SYNE1: variants seen among roughly 807,000 people sequenced by gnomAD.
SYNE1 encodes spectrin repeat containing nuclear envelope protein 1.
In SYNE1, 616 loss-of-function variants were observed where a neutral mutation model predicts 1,111.0. The ratio of observed to expected loss-of-function variants is 0.55; its 90% confidence interval spans 0.52 to 0.59. The LOEUF is 0.59. Ranked by LOEUF, SYNE1 falls within the 20% of genes least tolerant of loss-of-function variation. The pLI, the probability that SYNE1 is intolerant of heterozygous loss-of-function variation, is 0.00. For synonymous variants in SYNE1, 3,855 were observed against 3,825.8 expected, an observed-to-expected ratio of 1.01 and a Z score of -0.28; for missense variants, 10,006 against 10,417.0, an observed-to-expected ratio of 0.96 and a Z score of 1.72.
intron 53 of SYNE1, 131 bp downstream of exon 53, chr6:152,390,145 TAGAC>T: frequency 1.1e-6 from 1 of 923,676 alleles, no homozygotes. Context: ...AAACACAACT[TAGAC>T]AAAGACAGGC....
At chr6:152,296,324 T>A (rs531046741) in intron 93 of SYNE1, among the ~76,000 whole-genome samples, 1 of 152,232 alleles carries the variant, frequency 6.6e-6, no homozygotes, top group Non-Finnish European at 1.5e-5. Flanking sequence ...CTCGCCAATA[T>A]TGGTGAATTG....
At chr6:152,419,003 T>C (rs552738026) in intron 40 of SYNE1, among the ~76,000 whole-genome samples, 34 of 152,324 alleles carry the variant, frequency 2.2e-4, no homozygotes, top group Admixed American at 8.5e-4. Context: ...GAGTCTCATA[T>C]TTTGTGGGAC....
rs1455678689 is a variant in SYNE1, at chr6:152,463,499, G to A, written c.1951C>T (p.Pro651Ser). The change falls in exon 19 of 146, where the codon CCT (proline) becomes TCT (serine). Residue 651 changes from proline to serine, a missense_variant. By Grantham distance (74) the Pro-to-Ser change is moderately conservative. Around this residue, in one of 7 missense-constraint regions of SYNE1, gnomAD observed 1,971 missense variants for 2,084.1 expected, o/e 0.95. Transcript: ENST00000367255. ...NAKKDFFRNLPHWIQQHTAMN... is the reference protein window; with the variant it reads ...NAKKDFFRNLSHWIQQHTAMN... ...GCAGTATGCTGCTGAATCCAATGAG[G>A]TAAATTTCGAAAAAAATCCTAAACA... 7.4e-6 allele frequency: 12 copies of A among 1,613,118 alleles called. No homozygotes were observed. The East Asian group carries it at 2.0e-4, about 27-fold the overall frequency.
Position 152,136,780 on chromosome 6 carries a change from G to A in SYNE1, c.25497C>T (p.Ile8499=). The change falls in exon 141 of 146, where the codon ATC becomes ATT. Residue 8499 remains isoleucine (I), a synonymous_variant. Coordinates refer to ENST00000367255, the MANE Select transcript of SYNE1 (RefSeq NM_182961.4). ...QKAVDHRKAI[I]LSINLCSPEF... is the part of the protein sequence containing the mutation. ...CAGGGCTGCAGAGATTGATGGAGAGGATGATGGCTTTGCGGTGGTCCACAG... is the reference window on the plus strand; with the variant it reads ...CAGGGCTGCAGAGATTGATGGAGAGAATGATGGCTTTGCGGTGGTCCACAG... The A allele has an allele frequency of 6.2e-7, 1 of 1,614,228 alleles. No homozygotes were observed. Among genetic ancestry groups the A allele is most frequent in the Non-Finnish European group, 8.5e-7 (1 of 1,180,052 alleles).
chr6:152,595,706 T>C (rs1161455764), intron 3 of SYNE1, among the ~76,000 whole-genome samples: 1 of 152,118 alleles, frequency 6.6e-6, no homozygotes, highest in East Asian at 1.9e-4. Context: ...AAAATGCAAT[T>C]GGCTCTACAT....
intron 128 of SYNE1, among the ~76,000 whole-genome samples, chr6:152,182,147 CA>C (rs1437574833): frequency 6.6e-5 from 10 of 152,166 alleles, no homozygotes; most frequent in African/African-American, 2.2e-4. Flanking sequence ...TATATATATA[CA>C]ATGGGCTTGT....
chr6:152,272,825 G>A (rs2093310054), intron 98 of SYNE1, among the ~76,000 whole-genome samples: 1 of 152,208 alleles, frequency 6.6e-6, no homozygotes, highest in Admixed American at 6.5e-5. Flanking sequence ...TAACATTGCT[G>A]AGGGCTGCAT....
chr6:152,603,052 G>A lies in SYNE1; in HGVS notation c.67+25213C>T, dbSNP rs191794345. On this transcript the variant is annotated intron_variant, in intron 3 of 145. Transcript: ENST00000367255. ...AGCACCAGGGGTCAACCAGGGCAGA[G>A]GATCTGTGAATTTCAGACTCAGATC... Among the ~76,000 whole-genome samples the A allele has an allele frequency of 4.6e-5, 7 of 152,278 alleles. No homozygotes were observed. The South Asian group carries it at 8.3e-4, about 18-fold the overall frequency.
In SYNE1 at chr6:152,233,774, T is replaced by A. The variant is rs776363510; in HGVS notation, c.20712+7A>T. 2.5e-5 allele frequency: 40 copies of A among 1,614,070 alleles called. No homozygotes were observed. The East Asian group carries it at 6.2e-4, about 25-fold the overall frequency. Reference sequence around the variant, plus strand: ...GCTATTTCCCACGAAAGCAATCCTTTCTGTACCTGGTGGAGCTTCTCCTGG... The same window carrying A: ...GCTATTTCCCACGAAAGCAATCCTTACTGTACCTGGTGGAGCTTCTCCTGG... On this transcript the variant is annotated splice_region_variant and intron_variant, in intron 112 of 145. Transcript: ENST00000367255.
chr6:152,524,974 T>C (rs2099156898), intron 5 of SYNE1, among the ~76,000 whole-genome samples: 1 of 152,146 alleles, frequency 6.6e-6, no homozygotes, highest in Non-Finnish European at 1.5e-5. Context: ...AACTTGTGCC[T>C]TTAAGAAAAG....
At chr6:152,569,852 A>T (rs983126188) in intron 3 of SYNE1, among the ~76,000 whole-genome samples, 2 of 152,164 alleles carry the variant, frequency 1.3e-5, no homozygotes, top group South Asian at 4.1e-4. Flanking sequence ...TTGATTTTTG[A>T]TGCTAGTAAA....
intron 93 of SYNE1, among the ~76,000 whole-genome samples, chr6:152,297,622 T>C (rs1289298127): frequency 6.6e-6 from 1 of 152,244 alleles, no homozygotes; most frequent in African/African-American, 2.4e-5. Flanking sequence ...TTTATATACA[T>C]GTAAAGTAAT....
chr6:152,558,331 C>G (rs991828986), intron 3 of SYNE1, among the ~76,000 whole-genome samples: 3 of 152,150 alleles, frequency 2.0e-5, no homozygotes, highest in Non-Finnish European at 4.4e-5. Context: ...GTACTGGGTC[C>G]TTGCCTACCA....
intron 2 of SYNE1, among the ~76,000 whole-genome samples, chr6:152,633,960 G>A (rs2099702013): frequency 6.6e-6 from 1 of 152,018 alleles, no homozygotes. Flanking sequence ...TATTTGGGAT[G>A]CTCCCAGTTG....
intron 128 of SYNE1, among the ~76,000 whole-genome samples, chr6:152,183,776 T>C (rs1018641921): frequency 6.6e-6 from 1 of 152,190 alleles, no homozygotes; most frequent in Non-Finnish European, 1.5e-5. Context: ...CATAGGTAAG[T>C]ATTATTATCC....
At chr6:152,514,697 T>C (rs903879886) in intron 6 of SYNE1, among the ~76,000 whole-genome samples, 21 of 150,714 alleles carry the variant, frequency 1.4e-4, no homozygotes, top group African/African-American at 5.1e-4. Flanking sequence ...AGATTGATCT[T>C]CCTCTCTACA....
At chr6:152,337,597 A>G (rs995804700) in intron 75 of SYNE1, among the ~76,000 whole-genome samples, 5 of 152,212 alleles carry the variant, frequency 3.3e-5, no homozygotes, top group African/African-American at 4.8e-5. Context: ...CGAAACTCTA[A>G]TAAGTTTTAT....
chr6:152,481,080 A>C (rs1379111558), intron 14 of SYNE1: 1 of 274,302 alleles, frequency 3.6e-6, no homozygotes, highest in Non-Finnish European at 7.1e-6. Flanking sequence ...CCCCCGTAGG[A>C]GATACTACTG....
chr6:152,221,361 A>T, intron 118 of SYNE1, 65 bp downstream of exon 118: 1 of 1,576,914 alleles, frequency 6.3e-7, no homozygotes, highest in Non-Finnish European at 8.7e-7. Context: ...TCATTGTTTT[A>T]ATTATATCAT....
Sources: allele counts gnomAD v4.1 joint callset (sites outside exome capture counted in the v4.1 genomes callset), GRCh38; gene constraint gnomAD v4.1.1; regional missense constraint gnomAD v4.1.1; transcripts MANE v1.5; gene names NCBI Gene and HGNC (gene_info 2026-07-23, HGNC 2026-07-21).